The following ATP2B2 variants were observed in gnomAD, a reference collection of about 807,000 sequenced individuals.
ATP2B2 encodes the protein plasma membrane calcium-transporting ATPase 2.
Under a neutral mutation model 120.0 loss-of-function variants are expected in ATP2B2, and 15 were observed. The observed-to-expected ratio is 0.12, with a 90% CI of 0.08 to 0.19. The LOEUF is 0.19. Ranked by LOEUF, ATP2B2 falls within the 10% of genes least tolerant of loss-of-function variation. ATP2B2 has a pLI of 1.00. For missense variants in ATP2B2, 1,045 were observed against 1,719.8 expected (o/e 0.61, Z 6.94); for synonymous variants, 694 against 700.3 (o/e 0.99, Z 0.14).
In ATP2B2 at chr3:10,340,478, T is replaced by TGG; in HGVS notation, c.3129+13_3129+14dup. Reference sequence around the variant, plus strand: ...CTGCCCACCCCGGGCCTGGTTAGGGTGGGGGCCTCACTACCTGGATGGCAA... The same window carrying TGG: ...CTGCCCACCCCGGGCCTGGTTAGGGTGGGGGGGCCTCACTACCTGGATGGCAA... On this transcript the variant is annotated intron_variant, in intron 20 of 22. Coordinates refer to ENST00000360273, the MANE Select transcript of ATP2B2 (RefSeq NM_001001331.4). The surrounding 1 kb of genome is among the most constrained non-coding windows in gnomAD (Gnocchi z 5.0). The TGG allele has an allele frequency of 3.1e-6, 5 of 1,613,890 alleles. No individual in the cohort carries two copies. The highest frequency in any genetic ancestry group is 4.2e-6 in the Non-Finnish European group (5 of 1,179,914).
chr3:10,631,257 A>C (rs1175500737), intron 1 of ATP2B2, among the ~76,000 whole-genome samples: 2 of 152,246 alleles, frequency 1.3e-5, no homozygotes, highest in Non-Finnish European at 2.9e-5. Flanking sequence ...CAGAAGAAAA[A>C]ACATTTGCAG....
chr3:10,513,580 G>T (rs1245438815), intron 3 of ATP2B2, among the ~76,000 whole-genome samples: 2 of 152,132 alleles, frequency 1.3e-5, no homozygotes, highest in South Asian at 2.1e-4. Context: ...CTTGCCTTCC[G>T]CAGGTCCTAT....
chr3:10,429,969 A>G (rs190411157), intron 2 of ATP2B2, among the ~76,000 whole-genome samples: 172 of 152,344 alleles, frequency 1.1e-3, no homozygotes, highest in African/African-American at 4.0e-3. Flanking sequence ...ACTCTCTTCA[A>G]TTCCATGAAG....
intron 2 of ATP2B2, among the ~76,000 whole-genome samples, chr3:10,446,744 T>G (rs1222434343): frequency 6.6e-6 from 1 of 152,160 alleles, no homozygotes; most frequent in African/African-American, 2.4e-5. Context: ...TCCTCAGAGA[T>G]CTTGGCCATC....
At chr3:10,701,293 C>A (rs566567596) in intron 1 of ATP2B2, among the ~76,000 whole-genome samples, 1 of 152,334 alleles carries the variant, frequency 6.6e-6, no homozygotes, top group South Asian at 2.1e-4. Context: ...CTATATGCTG[C>A]ACCCTCCTTA....
intron 2 of ATP2B2, among the ~76,000 whole-genome samples, chr3:10,540,685 C>G (rs1323240803): frequency 8.0e-6 from 1 of 125,590 alleles, no homozygotes; most frequent in Non-Finnish European, 1.5e-5. Flanking sequence ...CACTTGGGCA[C>G]AGGGTGGAGA....
Position 10,368,822 on chromosome 3 carries a change from TCATC to T in ATP2B2, c.1659+2983_1659+2986del, listed in dbSNP as rs557121758. 2.0e-5 allele frequency among the ~76,000 whole-genome samples: 3 copies of T among 152,074 alleles called. No individual in the cohort carries two copies. The East Asian group carries it at 5.8e-4, about 29-fold the overall frequency. On this transcript the variant is annotated intron_variant, in intron 12 of 22. Transcript: ENST00000360273. ...ACCCATCCATCTACCTACCCACCAC[TCATC>T]CATCCATCCCCCCTTCTCCCTACCT...
intron 3 of ATP2B2, among the ~76,000 whole-genome samples, chr3:10,531,563 C>T (rs927125006): frequency 2.0e-5 from 3 of 152,288 alleles, no homozygotes; most frequent in East Asian, 1.9e-4. Flanking sequence ...TGGCACAAGG[C>T]GAGCCCTGCA....
intron 1 of ATP2B2, among the ~76,000 whole-genome samples, chr3:10,655,006 T>C (rs531460569): frequency 6.4e-4 from 97 of 152,330 alleles, no homozygotes; most frequent in African/African-American, 2.2e-3. Context: ...TTGGAAGACC[T>C]GCACAGTTTA....
rs2060310507 is a variant in ATP2B2, at chr3:10,342,611, T to C, written c.2917+141A>G. ...ACTTGCTGGTGTGACCTTGGGCAAC[T>C]TACTTGACCTCCCTGGGCCTCAATT... is the stretch of plus-strand genomic sequence containing the variant. On this transcript the variant is annotated intron_variant, in intron 19 of 22. Transcript: ENST00000360273. The surrounding 1 kb of genome is among the most constrained non-coding windows in gnomAD (Gnocchi z 4.4). 2.0e-6 allele frequency: 2 copies of C among 1,012,586 alleles called. No homozygotes were observed. The highest frequency in any genetic ancestry group is 3.2e-5 in the African/African-American group (2 of 62,936). The allele number at this position is 1,012,586 out of a possible 1,614,324, so 62.7% of individuals were successfully genotyped here.
intron 3 of ATP2B2, among the ~76,000 whole-genome samples, chr3:10,406,506 T>G (rs1053108179): frequency 6.6e-6 from 1 of 152,210 alleles, no homozygotes; most frequent in Non-Finnish European, 1.5e-5. Flanking sequence ...CAAATACCAT[T>G]GTGTTACAGC....
chr3:10,355,834 GAGGCCGAGGCGGGCGGAT>G (rs2060703969), intron 14 of ATP2B2, among the ~76,000 whole-genome samples: 2 of 38,358 alleles, frequency 5.2e-5, no homozygotes, highest in African/African-American at 2.1e-4. Flanking sequence ...AGCACTTTGG[GAGGCCGAGGCGGGCGGAT>G]CACGAGGTCA....
At chr3:10,423,351 G>A (rs979385131) in intron 2 of ATP2B2, among the ~76,000 whole-genome samples, 1 of 152,074 alleles carries the variant, frequency 6.6e-6, no homozygotes, top group African/African-American at 2.4e-5. Context: ...ACGCGGAAGC[G>A]ACTTGATCCA....
At chr3:10,632,941 G>A (rs890859548) in intron 1 of ATP2B2, among the ~76,000 whole-genome samples, 1 of 152,256 alleles carries the variant, frequency 6.6e-6, no homozygotes, top group Non-Finnish European at 1.5e-5. Flanking sequence ...CCTGCCATAA[G>A]GGCATCTGAG....
chr3:10,420,130 G>A (rs1209599283), intron 2 of ATP2B2, among the ~76,000 whole-genome samples: 1 of 152,236 alleles, frequency 6.6e-6, no homozygotes, highest in Non-Finnish European at 1.5e-5. Flanking sequence ...GCACACAAAG[G>A]TGTGTGGCAC....
chr3:10,434,431 G>A (rs1339429014), intron 2 of ATP2B2, among the ~76,000 whole-genome samples: 1 of 152,222 alleles, frequency 6.6e-6, no homozygotes, highest in East Asian at 1.9e-4. Flanking sequence ...GGGAGCCACA[G>A]GGTTTTCAGC....
intron 1 of ATP2B2, among the ~76,000 whole-genome samples, chr3:10,456,366 C>T (rs1277538724): frequency 5.3e-5 from 8 of 152,134 alleles, no homozygotes; most frequent in Non-Finnish European, 1.2e-4. Context: ...TGAGGTGGGG[C>T]ACAAGTCTGG....
At chr3:10,371,728 A>T in intron 12 of ATP2B2, 81 bp downstream of exon 12, 2 of 1,603,778 alleles carry the variant, frequency 1.2e-6, no homozygotes, top group Non-Finnish European at 1.7e-6. Context: ...ACTATGAATC[A>T]CATTGCTCAA....
At chr3:10,367,241 G>T (rs145855970) in intron 12 of ATP2B2, among the ~76,000 whole-genome samples, 2,429 of 152,132 alleles carry the variant, frequency 0.016, 57 homozygotes, top group African/African-American at 0.055. Flanking sequence ...CTGGGCCTTT[G>T]CAGGGTTGTG....
Sources: allele counts gnomAD v4.1 joint callset (sites outside exome capture counted in the v4.1 genomes callset), GRCh38; gene constraint gnomAD v4.1.1; non-coding constraint Gnocchi (gnomAD v3.1); transcripts MANE v1.5; gene names NCBI Gene and HGNC (gene_info 2026-07-23, HGNC 2026-07-21).